The following PCYT1B variants were observed in gnomAD, a reference collection of about 807,000 sequenced individuals.
The protein encoded by PCYT1B is choline-phosphate cytidylyltransferase B.
Under a neutral mutation model 26.4 loss-of-function variants are expected in PCYT1B, and 10 were observed. The ratio of observed to expected loss-of-function variants is 0.38; its 90% confidence interval spans 0.23 to 0.64. PCYT1B has a LOEUF of 0.64. Ranked by LOEUF, PCYT1B falls within the 30% of genes least tolerant of loss-of-function variation. The probability of loss-of-function intolerance (pLI) is 0.56; values close to 1 mark genes in which losing one functional copy is unlikely to be tolerated. For missense variants in PCYT1B, 161 were observed against 292.7 expected, an observed-to-expected ratio of 0.55 and a Z score of 3.28; for synonymous variants, 131 against 108.4, an observed-to-expected ratio of 1.21 and a Z score of -1.29.
chrX:24,629,468 G>A (rs1925978960), intron 1 of PCYT1B, among the ~76,000 whole-genome samples: 1 of 99,554 alleles, frequency 1.0e-5, no homozygotes, highest in African/African-American at 3.7e-5. Context: ...TGAGGTGGGA[G>A]GATTGCTTGG....
intron 1 of PCYT1B, among the ~76,000 whole-genome samples, chrX:24,659,042 A>G (rs140595167): frequency 0.038 from 4,205 of 111,675 alleles, 189 homozygotes; most frequent in African/African-American, 0.13. Context: ...ACATTAAATA[A>G]TTTGCTCAAG....
At chrX:24,596,700 A>G (rs1392621923) in intron 3 of PCYT1B, among the ~76,000 whole-genome samples, 1 of 110,792 alleles carries the variant, frequency 9.0e-6, no homozygotes, top group African/African-American at 3.3e-5. Context: ...ACCTCCAGTT[A>G]TCACAGTTTC....
intron 1 of PCYT1B, among the ~76,000 whole-genome samples, chrX:24,653,881 A>G (rs375287655): frequency 4.6e-5 from 5 of 108,250 alleles, no homozygotes; most frequent in African/African-American, 1.7e-4. Context: ...CAGCCTCCCA[A>G]GTAGCTGGGA....
At chrX:24,653,188 G>A (rs185090396) in intron 1 of PCYT1B, among the ~76,000 whole-genome samples, 68 of 111,794 alleles carry the variant, frequency 6.1e-4, no homozygotes, top group African/African-American at 2.0e-3. Flanking sequence ...TGACAAAACC[G>A]CAATTACTTT....
At position 24,579,232 on chromosome X, in the gene PCYT1B, CTTAGTAAGTGCTCA is replaced by C. The variant is rs1924128300; in HGVS notation, c.708+70_708+83del. On this transcript the variant is annotated intron_variant, in intron 6 of 7. Transcript: ENST00000379144. ...GAGAGAGGGAGAACACTGCATAGCA[CTTAGTAAGTGCTCA>C]ATAAACAGCAGCACTGGTGGTGGTG... 5.3e-6 allele frequency: 5 copies of C among 945,083 alleles called. No homozygotes were observed. In the African/African-American group the frequency reaches 5.9e-5, roughly 11 times the overall value. 77.9% of individuals were successfully genotyped at this position (945,083 alleles called of 1,213,427 possible). A position where few individuals can be genotyped will look rare whatever the true frequency, so the allele number is the denominator to read the frequency against.
intron 1 of PCYT1B, among the ~76,000 whole-genome samples, chrX:24,642,002 G>A (rs1361091393): frequency 8.9e-6 from 1 of 112,661 alleles, no homozygotes; most frequent in Admixed American, 9.4e-5. Flanking sequence ...TGGGGATTGG[G>A]TTAACAGAGT....
intron 2 of PCYT1B, among the ~76,000 whole-genome samples, chrX:24,608,692 T>A (rs184979319): frequency 2.8e-4 from 31 of 111,285 alleles, no homozygotes; most frequent in Non-Finnish European, 1.3e-4. Flanking sequence ...GGGACACACT[T>A]CAGTACAGCA....
At chrX:24,627,605 G>A (rs1925923783) in intron 1 of PCYT1B, among the ~76,000 whole-genome samples, 1 of 112,092 alleles carries the variant, frequency 8.9e-6, no homozygotes. Context: ...GCATCAGAGC[G>A]TTTTGAACAA....
chrX:24,577,773 G>A (rs765691170), intron 6 of PCYT1B, among the ~76,000 whole-genome samples: 2 of 111,521 alleles, frequency 1.8e-5, no homozygotes, highest in East Asian at 5.6e-4. Context: ...TGAAAATACA[G>A]CGTCTATTTT....
intron 4 of PCYT1B, among the ~76,000 whole-genome samples, chrX:24,587,777 A>G (rs913073571): frequency 8.9e-6 from 1 of 112,630 alleles, no homozygotes; most frequent in Non-Finnish European, 1.9e-5. Flanking sequence ...TTCGATCCTC[A>G]TAACCACCTT....
intron 7 of PCYT1B, among the ~76,000 whole-genome samples, chrX:24,572,918 TTATA>T (rs371692891): frequency 3.1e-5 from 3 of 96,289 alleles, no homozygotes; most frequent in African/African-American, 3.8e-5. Flanking sequence ...TTTCATCAAA[TTATA>T]TATATATATA....
intron 1 of PCYT1B, among the ~76,000 whole-genome samples, chrX:24,655,027 T>C (rs1414797363): frequency 1.8e-5 from 2 of 111,427 alleles, no homozygotes; most frequent in African/African-American, 6.5e-5. Context: ...CCAGGAAAAT[T>C]ATAGTAGTAA....
At position 24,560,564 on chromosome X, in the gene PCYT1B, A is replaced by C. The variant is rs1325280026; in HGVS notation, c.*1729T>G. The stretch of plus-strand genomic sequence containing the variant: ...CTGGAGAAGGAAAGTGCCAAGAACA[A>C]AGAGGTTCCAAGCCAGCTCAGCCTC... On this transcript the variant is annotated 3_prime_UTR_variant, in exon 8 of 8. Transcript: ENST00000379144. The C allele has an allele frequency of 8.9e-6, 1 of 112,032 alleles. No individual in the cohort carries two copies. The highest frequency in any genetic ancestry group is 3.3e-5 in the African/African-American group (1 of 30,695). The allele number at this position is 112,032 out of a possible 1,213,427, so 9.2% of individuals were successfully genotyped here. A position where few individuals can be genotyped will look rare whatever the true frequency, so the allele number is the denominator to read the frequency against.
intron 1 of PCYT1B, among the ~76,000 whole-genome samples, chrX:24,671,640 G>A (rs1039424041): frequency 1.8e-5 from 2 of 111,232 alleles, no homozygotes; most frequent in African/African-American, 6.5e-5. Flanking sequence ...AAAGACCAGG[G>A]CCTGTGTCCA....
chrX:24,636,735 C>T (rs975542972), intron 1 of PCYT1B, among the ~76,000 whole-genome samples: 3 of 112,442 alleles, frequency 2.7e-5, no homozygotes, highest in South Asian at 3.7e-4. Flanking sequence ...ACCACTACAC[C>T]GATTTCTAAC....
At chrX:24,645,864 T>C (rs1926608225) in intron 1 of PCYT1B, among the ~76,000 whole-genome samples, 1 of 112,155 alleles carries the variant, frequency 8.9e-6, no homozygotes, top group African/African-American at 3.2e-5. Context: ...AAGCCTCCTT[T>C]GAACCCTTAT....
chrX:24,668,750 A>G (rs1927177676), intron 1 of PCYT1B, among the ~76,000 whole-genome samples: 1 of 110,176 alleles, frequency 9.1e-6, no homozygotes, highest in Admixed American at 9.6e-5. Context: ...ATGATTTCAC[A>G]TAGAATTTCA....
chrX:24,582,130 G>A (rs1924226225), intron 5 of PCYT1B, among the ~76,000 whole-genome samples: 1 of 112,632 alleles, frequency 8.9e-6, no homozygotes, highest in Admixed American at 9.4e-5. Context: ...ACCCTCAGAC[G>A]ACATCCCCAC....
intron 3 of PCYT1B, among the ~76,000 whole-genome samples, chrX:24,595,324 C>A (rs1265228219): frequency 9.1e-6 from 1 of 109,592 alleles, no homozygotes; most frequent in Admixed American, 9.9e-5. Flanking sequence ...ATGGATCCCA[C>A]AAGCAGCAGA....
Sources: allele counts gnomAD v4.1 joint callset (sites outside exome capture counted in the v4.1 genomes callset), GRCh38; gene constraint gnomAD v4.1.1; transcripts MANE v1.5; gene names NCBI Gene and HGNC (gene_info 2026-07-23, HGNC 2026-07-21).